CHST11: variants seen among roughly 807,000 people sequenced by gnomAD.
CHST11 encodes the protein C4S-1.
A neutral mutation model predicts 30.4 loss-of-function variants in CHST11; 9 were observed. The observed-to-expected ratio is 0.30, with a 90% CI of 0.18 to 0.52. CHST11 has a LOEUF of 0.52. Among genes scored for constraint, CHST11 ranks in the 20% least tolerant of loss-of-function variants. CHST11 has a pLI of 0.97. For missense variants in CHST11, 348 were observed against 460.6 expected (o/e 0.76, Z 2.24); for synonymous variants, 152 against 187.8 (o/e 0.81, Z 1.56).
chr12:104,622,456 G>A lies in CHST11; in HGVS notation c.204+20465G>A, dbSNP rs117353921. 2.7e-3 allele frequency among the ~76,000 whole-genome samples: 406 copies of A among 152,286 alleles called. 1 individual carries two copies. Among genetic ancestry groups the A allele is most frequent in the Non-Finnish European group, 4.5e-3 (308 of 68,030 alleles). ...AGTATTCTCAAAGTACCCGCATAGAGACTAGCTTCATTGAAACTCACAATT... is the reference window on the plus strand; with the variant it reads ...AGTATTCTCAAAGTACCCGCATAGAAACTAGCTTCATTGAAACTCACAATT... On this transcript the variant is annotated intron_variant, in intron 2 of 2. Coordinates refer to ENST00000303694, the MANE Select transcript of CHST11 (RefSeq NM_018413.6).
intron 2 of CHST11, among the ~76,000 whole-genome samples, chr12:104,626,826 A>G (rs1260573145): frequency 3.3e-5 from 5 of 151,918 alleles, no homozygotes; most frequent in Non-Finnish European, 5.9e-5. Context: ...GAAGTGGTCC[A>G]TTTGTTACAA....
At chr12:104,576,637 G>T (rs1206934030) in intron 1 of CHST11, among the ~76,000 whole-genome samples, 4 of 152,170 alleles carry the variant, frequency 2.6e-5, no homozygotes, top group Non-Finnish European at 4.4e-5. Flanking sequence ...GCAGTCTCTG[G>T]TCATTTCCAA....
intron 1 of CHST11, among the ~76,000 whole-genome samples, chr12:104,540,900 C>CT (rs2038279452): frequency 6.6e-6 from 1 of 152,164 alleles, no homozygotes; most frequent in Admixed American, 6.5e-5. Context: ...AGCTTCCCCT[C>CT]TAAGATTTTG....
chr12:104,638,715 T>C (rs975243184), intron 2 of CHST11, among the ~76,000 whole-genome samples: 12 of 152,242 alleles, frequency 7.9e-5, no homozygotes, highest in African/African-American at 2.9e-4. Flanking sequence ...CCTGTGTTGC[T>C]TTGGCTGAAA....
In CHST11 at chr12:104,713,028, C is replaced by T. The variant is rs1026081343; in HGVS notation, c.205-43921C>T. ...AAGAAAATGCACTCATTAAACAAGT[C>T]CAACCCCTAATTCATGCGGCTTGCA... is the stretch of plus-strand genomic sequence containing the variant. On this transcript the variant is annotated intron_variant, in intron 2 of 2. Transcript: ENST00000303694. Among the ~76,000 whole-genome samples, 4 of 151,958 alleles carry T rather than the reference C, an allele frequency of 2.6e-5. No homozygotes were observed. The East Asian group carries it at 7.7e-4, about 29-fold the overall frequency.
At chr12:104,617,410 G>A (rs1377510803) in intron 2 of CHST11, among the ~76,000 whole-genome samples, 1 of 152,112 alleles carries the variant, frequency 6.6e-6, no homozygotes, top group African/African-American at 2.4e-5. Flanking sequence ...ACATTTTTAG[G>A]TGTCATCTTA....
chr12:104,718,737 T>TGCA (rs1371776402), intron 2 of CHST11, among the ~76,000 whole-genome samples: 4 of 152,206 alleles, frequency 2.6e-5, no homozygotes, highest in African/African-American at 9.6e-5. Flanking sequence ...GCCTGAAGAC[T>TGCA]GCAGCAAGCA....
intron 1 of CHST11, among the ~76,000 whole-genome samples, chr12:104,582,721 A>G (rs573908381): frequency 2.6e-5 from 4 of 152,082 alleles, no homozygotes; most frequent in African/African-American, 9.6e-5. Context: ...CCTCATCTGT[A>G]TGATAGAAAT....
At position 104,611,585 on chromosome 12, in the gene CHST11, C is replaced by T. The variant is rs551669143; in HGVS notation, c.204+9594C>T. On this transcript the variant is annotated intron_variant, in intron 2 of 2. Coordinates refer to ENST00000303694, the MANE Select transcript of CHST11 (RefSeq NM_018413.6). ...TGGATGTTTGGGCAGTGAATGAAGC[C>T]ATTTGTTCCTGTGCCTCATGTGACT... Among the ~76,000 whole-genome samples the T allele has an allele frequency of 7.2e-5, 11 of 152,290 alleles. No homozygotes were observed. The South Asian group carries it at 2.1e-3, about 29-fold the overall frequency.
At chr12:104,487,921 T>C (rs956524898) in intron 1 of CHST11, among the ~76,000 whole-genome samples, 3 of 152,108 alleles carry the variant, frequency 2.0e-5, no homozygotes, top group African/African-American at 7.2e-5. Context: ...TTTATTTTTA[T>C]TTTTTGAGAC....
At chr12:104,700,500 C>T (rs2039983135) in intron 2 of CHST11, among the ~76,000 whole-genome samples, 1 of 152,164 alleles carries the variant, frequency 6.6e-6, no homozygotes, top group Admixed American at 6.5e-5. Flanking sequence ...CTACATCTTA[C>T]TAGTTATGTG....
chr12:104,684,707 C>G lies in CHST11; in HGVS notation c.205-72242C>G, dbSNP rs909899308. Among the ~76,000 whole-genome samples, 23 of 152,244 alleles carry G rather than the reference C, an allele frequency of 1.5e-4. No individual in the cohort carries two copies. The East Asian group carries it at 2.5e-3, about 17-fold the overall frequency. On this transcript the variant is annotated intron_variant, in intron 2 of 2. Transcript: ENST00000303694. The stretch of plus-strand genomic sequence containing the variant: ...GGATTACAGGCATGCACTACCATGC[C>G]TGGCTAATTTTTTGTATTTTTAGTA...
chr12:104,479,668 C>A (rs981483955), intron 1 of CHST11, among the ~76,000 whole-genome samples: 3 of 152,172 alleles, frequency 2.0e-5, no homozygotes, highest in Admixed American at 1.3e-4. Context: ...AAAAGTCTTG[C>A]ACTCTTAGGT....
At chr12:104,483,084 A>G (rs2037642809) in intron 1 of CHST11, among the ~76,000 whole-genome samples, 2 of 152,260 alleles carry the variant, frequency 1.3e-5, no homozygotes, top group African/African-American at 2.4e-5. Context: ...TCCTGGTGCA[A>G]TATCTCCAAA....
At chr12:104,730,303 G>A (rs1319896831) in intron 2 of CHST11, among the ~76,000 whole-genome samples, 3 of 152,230 alleles carry the variant, frequency 2.0e-5, no homozygotes, top group Non-Finnish European at 4.4e-5. Context: ...GGAGAAGAGT[G>A]ACTCTTGCCA....
In CHST11 at chr12:104,658,514, G is replaced by A. The variant is rs567849228; in HGVS notation, c.204+56523G>A. Among the ~76,000 whole-genome samples, 14 of 152,322 alleles carry A rather than the reference G, an allele frequency of 9.2e-5. No individual in the cohort carries two copies. In the East Asian group the frequency reaches 2.7e-3, roughly 29 times the overall value. ...GTACTGTCTGAACGACTGGGGGTTA[G>A]TACCTCAGCATGTGCATTTTGGAGA... On this transcript the variant is annotated intron_variant, in intron 2 of 2. Transcript: ENST00000303694.
rs1000220726 is a variant in CHST11, at chr12:104,756,878, T to C, written c.205-71T>C. On this transcript the variant is annotated intron_variant, in intron 2 of 2. Coordinates refer to ENST00000303694, the MANE Select transcript of CHST11 (RefSeq NM_018413.6). Reference sequence around the variant, plus strand: ...TGTGTTTGAACGGGTGGATTTATGATCTACTTGTAGCCAAGTGGAAATGTT... The same window carrying C: ...TGTGTTTGAACGGGTGGATTTATGACCTACTTGTAGCCAAGTGGAAATGTT... The C allele has an allele frequency of 3.1e-5, 47 of 1,524,442 alleles. No individual in the cohort carries two copies. In the Middle Eastern group the frequency reaches 5.2e-4, roughly 17 times the overall value. 94.4% of individuals were successfully genotyped at this position (1,524,442 alleles called of 1,614,324 possible). A position where few individuals can be genotyped will look rare whatever the true frequency, so the allele number is the denominator to read the frequency against.
In CHST11 at chr12:104,723,381, C is replaced by T. The variant is rs118150978; in HGVS notation, c.205-33568C>T. 3.3e-3 allele frequency among the ~76,000 whole-genome samples: 496 copies of T among 152,326 alleles called. 17 individuals are homozygous for T. In the East Asian group the frequency reaches 0.052, roughly 16 times the overall value. On this transcript the variant is annotated intron_variant, in intron 2 of 2. Coordinates refer to ENST00000303694, the MANE Select transcript of CHST11 (RefSeq NM_018413.6). The stretch of plus-strand genomic sequence containing the variant: ...CGGGCGGGGTGGGCGTCTGGGGGGC[C>T]GTGGGTCTGCCCCAGGCCTCTGCCT...
At chr12:104,636,609 T>C (rs1257331918) in intron 2 of CHST11, among the ~76,000 whole-genome samples, 2 of 152,212 alleles carry the variant, frequency 1.3e-5, no homozygotes, top group African/African-American at 4.8e-5. Flanking sequence ...TGTCTAGCCT[T>C]TTAAGAGCCT....
Sources: gnomAD v4.1 joint callset for allele counts (sites outside exome capture counted in the v4.1 genomes callset) on GRCh38, gnomAD v4.1.1 for gene constraint, MANE v1.5 for transcripts, NCBI Gene and HGNC (gene_info 2026-07-23, HGNC 2026-07-21) for gene names.